The following RECQL5 variants were observed in gnomAD, a reference collection of about 807,000 sequenced individuals.
RECQL5 encodes ATP-dependent DNA helicase Q5.
RECQL5 carries 88 observed loss-of-function variants against 103.4 expected under a neutral mutation model. That is an observed-to-expected ratio of 0.85 (90% CI 0.72 to 1.02). The LOEUF is 1.02. Ranked by LOEUF, RECQL5 falls within the 50% of genes least tolerant of loss-of-function variation. The pLI is 0.00. For synonymous variants in RECQL5, 552 were observed against 507.9 expected, an observed-to-expected ratio of 1.09 and a Z score of -1.17; for missense variants, 1,232 against 1,284.3, an observed-to-expected ratio of 0.96 and a Z score of 0.62.
chr17:75,650,834 C>A, intron 8 of RECQL5: 2 of 1,487,282 alleles, frequency 1.3e-6, no homozygotes, highest in Admixed American at 2.3e-5. Flanking sequence ...TCAAGTGATG[C>A]CAGAAGTCCC....
intron 8 of RECQL5, chr17:75,649,482 T>C: frequency 3.9e-6 from 1 of 254,968 alleles, no homozygotes; most frequent in Non-Finnish European, 6.2e-6. Context: ...ACCTACAGCT[T>C]CCTTTGCAGA....
At chr17:75,638,093 G>A (rs2059361366) in intron 8 of RECQL5, 1 of 152,164 alleles carries the variant, frequency 6.6e-6, no homozygotes, top group Non-Finnish European at 1.5e-5. Flanking sequence ...GAGAAGCTGG[G>A]TGGATCTAAC....
intron 7 of RECQL5, among the ~76,000 whole-genome samples, chr17:75,654,531 C>A (rs990543290): frequency 2.0e-5 from 3 of 152,276 alleles, no homozygotes; most frequent in Non-Finnish European, 2.9e-5. Context: ...ACATGACATA[C>A]CAGGGGAAAG....
rs1250589123 is a variant in RECQL5, at chr17:75,628,403, A to AG, written c.2619dup (p.Ser874LeufsTer9). ...TCAGCTACGACGGAGGGCTTGGCTG[A>AG]GGGGCGTGGCCTCTTCTGAGGCTGG... On this transcript the variant is annotated frameshift_variant, in exon 18 of 20. Coordinates refer to ENST00000317905, the MANE Select transcript of RECQL5 (RefSeq NM_004259.7). LOFTEE classifies it high-confidence loss of function. 1 of 1,613,788 alleles carries AG rather than the reference A, an allele frequency of 6.2e-7. No homozygotes were observed. The highest frequency in any genetic ancestry group is 1.1e-5 in the South Asian group (1 of 91,074).
intron 8 of RECQL5, chr17:75,647,485 C>T: frequency 6.5e-7 from 1 of 1,550,376 alleles, no homozygotes; most frequent in Non-Finnish European, 8.7e-7. Flanking sequence ...CGCTGTCCTG[C>T]TTCTCATCTT....
chr17:75,649,976 C>T, intron 8 of RECQL5: 1 of 985,566 alleles, frequency 1.0e-6, no homozygotes, highest in Non-Finnish European at 1.2e-6. Flanking sequence ...GCGGAGCAGA[C>T]CCTGGGGACA....
chr17:75,647,479 G>A (rs1568274796), intron 8 of RECQL5: 2 of 1,550,350 alleles, frequency 1.3e-6, no homozygotes, highest in Non-Finnish European at 8.7e-7. Context: ...CATCACCGCT[G>A]TCCTGCTTCT....
Position 75,631,515 on chromosome 17 carries a change from G to C in RECQL5, c.1383C>G (p.Ser461=). 6.2e-7 allele frequency: 1 copy of C among 1,613,298 alleles called. No individual in the cohort carries two copies. The highest frequency in any genetic ancestry group is 1.1e-5 in the South Asian group (1 of 91,088). ...SSWSKTCIGP[S]QGNGFDPELY... ...GCTCGGGGTCAAAGCCGTTCCCCTG[G>C]GAGGGCCCGATGCAGGTCTTGCTCC... Residue 461 remains serine, a synonymous_variant, in exon 9 of 20, where the codon TCC becomes TCG. Transcript: ENST00000317905.
intron 6 of RECQL5, 57 bp downstream of exon 6, chr17:75,660,898 G>A (rs2059690194): frequency 7.7e-7 from 1 of 1,295,668 alleles, no homozygotes; most frequent in Non-Finnish European, 1.1e-6. Context: ...ACAGCACTAG[G>A]CAATCCACCC....
rs1568258665 is a variant in RECQL5, at chr17:75,630,838, C to CTT, written c.1586-2_1586-1insAA. On this transcript the variant is annotated splice_acceptor_variant, in intron 11 of 19. Transcript: ENST00000317905. LOFTEE classifies it high-confidence loss of function. ...GCCTCTTTCAGGGGACAGTTCTCAT[C>CTT]TGTGGGGGGGGGGGGTGGTCCTTGG... 1 of 952,070 alleles carries CTT rather than the reference C, an allele frequency of 1.1e-6. No homozygotes were observed. The highest frequency in any genetic ancestry group is 3.8e-5 in the Admixed American group (1 of 26,318). 59.0% of individuals were successfully genotyped at this position (952,070 alleles called of 1,614,324 possible).
Position 75,667,139 on chromosome 17 carries a change from A to C in RECQL5, c.-110T>G, listed in dbSNP as rs1229604118. ...TACACAACCCCAACTCAGAGAAGCC[A>C]AAGCGCTGGGAATTCAGCTTTAGGC... On this transcript the variant is annotated 5_prime_UTR_variant, in exon 1 of 20. Coordinates refer to ENST00000317905, the MANE Select transcript of RECQL5 (RefSeq NM_004259.7). 2 of 551,968 alleles carry C rather than the reference A, an allele frequency of 3.6e-6. No individual in the cohort carries two copies. Among genetic ancestry groups the C allele is most frequent in the African/African-American group, 3.8e-5 (2 of 52,754 alleles). 34.2% of individuals were successfully genotyped at this position (551,968 alleles called of 1,614,324 possible).
In RECQL5 at chr17:75,651,166, A is replaced by T. The variant is rs1401112130; in HGVS notation, c.1229+20T>A. ...TGATCTCACTGACACTTTGCTCCAC[A>T]TATAAAATAAGTCACTTACCCCAGT... On this transcript the variant is annotated intron_variant, in intron 8 of 19. Coordinates refer to ENST00000317905, the MANE Select transcript of RECQL5 (RefSeq NM_004259.7). 3.7e-6 allele frequency: 6 copies of T among 1,614,184 alleles called. No individual in the cohort carries two copies. The highest frequency in any genetic ancestry group is 5.1e-6 in the Non-Finnish European group (6 of 1,180,034).
chr17:75,661,778 C>T (rs1451440148), intron 4 of RECQL5, 70 bp from the exon 5 acceptor site: 5 of 1,163,022 alleles, frequency 4.3e-6, no homozygotes, highest in Non-Finnish European at 6.4e-6. Flanking sequence ...GTAATGCACC[C>T]TGCTCTAAAA....
intron 8 of RECQL5, chr17:75,650,843 C>G: frequency 6.8e-7 from 1 of 1,478,664 alleles, no homozygotes; most frequent in Non-Finnish European, 9.0e-7. Context: ...GCCAGAAGTC[C>G]CAGCTCGGTG....
At chr17:75,645,983 A>G (rs1317580357) in intron 8 of RECQL5, among the ~76,000 whole-genome samples, 1 of 152,206 alleles carries the variant, frequency 6.6e-6, no homozygotes, top group Non-Finnish European at 1.5e-5. Flanking sequence ...AGTGCCTGGC[A>G]TGGTTCCTGG....
chr17:75,666,257 C>G (rs561500543), intron 2 of RECQL5, among the ~76,000 whole-genome samples, 171 bp downstream of exon 2: 1 of 152,156 alleles, frequency 6.6e-6, no homozygotes, highest in South Asian at 2.1e-4. Flanking sequence ...AAGACCCCAT[C>G]TCTAATTAAA....
In RECQL5 at chr17:75,658,397, A is replaced by C; in HGVS notation, c.1050T>G (p.Ala350=). The change falls in exon 7 of 20, where the codon GCT becomes GCG. Residue 350 remains alanine (A), a synonymous_variant. Coordinates refer to ENST00000317905, the MANE Select transcript of RECQL5 (RefSeq NM_004259.7). ...ACCAGGAAGGCTTCCCATCCCTGCC[A>C]GCCCGGCCAGACTCCTGGTAGTACC... is the stretch of plus-strand genomic sequence containing the variant. ...MAGYYQESGR[A]GRDGKPSWCR... The C allele has an allele frequency of 6.2e-7, 1 of 1,614,100 alleles. No homozygotes were observed. The highest frequency in any genetic ancestry group is 8.5e-7 in the Non-Finnish European group (1 of 1,179,982).
rs1274469166 is a variant in RECQL5, at chr17:75,631,177, G to A, written c.1521C>T (p.Phe507=). 6.2e-7 allele frequency: 1 copy of A among 1,613,888 alleles called. No individual in the cohort carries two copies. Among genetic ancestry groups the A allele is most frequent in the Admixed American group, 1.7e-5 (1 of 60,030 alleles). ...TGCGCAGCTGCATCTGCTTCTGATA[G>A]AAGAGGTTCCACTCCCGCTTGTGGG... ...DEAHKREWNL[F]YQKQMQLRKG... is the part of the protein sequence containing the mutation. The change falls in exon 10 of 20, where the codon TTC becomes TTT. Residue 507 remains phenylalanine, a synonymous_variant. Coordinates refer to ENST00000317905, the MANE Select transcript of RECQL5 (RefSeq NM_004259.7).
chr17:75,628,893 G>A (rs201129454), intron 16 of RECQL5, 41 bp downstream of exon 16: 11 of 1,582,460 alleles, frequency 7.0e-6, no homozygotes, highest in South Asian at 4.7e-5. Flanking sequence ...GGATGCTGCC[G>A]TGTAGGTTCC....
Sources: allele counts gnomAD v4.1 joint callset (sites outside exome capture counted in the v4.1 genomes callset), GRCh38; gene constraint gnomAD v4.1.1; transcripts MANE v1.5; gene names NCBI Gene and HGNC (gene_info 2026-07-23, HGNC 2026-07-21).